FHAD1: variants seen among roughly 807,000 people sequenced by gnomAD.
The protein encoded by FHAD1 is forkhead-associated domain-containing protein 1.
A neutral mutation model predicts 191.3 loss-of-function variants in FHAD1; 146 were observed. That is an observed-to-expected ratio of 0.76 (90% confidence interval 0.67 to 0.88). The LOEUF (loss-of-function observed/expected upper bound fraction) is 0.88. FHAD1 is among the 40% of genes least tolerant of loss of function. FHAD1 has a pLI of 0.00. For synonymous variants in FHAD1, 616 were observed against 672.3 expected (o/e 0.92, Z 1.29); for missense variants, 1,635 against 1,785.8 (o/e 0.92, Z 1.52).
chr1:15,339,563 A>C lies in FHAD1; in HGVS notation c.1977+12A>C, dbSNP rs1463880200. The C allele has an allele frequency of 1.6e-6, 2 of 1,257,092 alleles. No individual in the cohort carries two copies. The highest frequency in any genetic ancestry group is 5.1e-5 in the Admixed American group (2 of 38,962). 77.9% of individuals were successfully genotyped at this position (1,257,092 alleles called of 1,614,324 possible). Reference sequence around the variant, plus strand: ...CCCAGGAACTTCAGGTAATTCTTTTAATTTCTTTTTTTCCAAAGTTCATTT... The same window carrying C: ...CCCAGGAACTTCAGGTAATTCTTTTCATTTCTTTTTTTCCAAAGTTCATTT... On this transcript the variant is annotated intron_variant, in intron 15 of 33. Coordinates refer to ENST00000688493, the MANE Select transcript of FHAD1 (RefSeq NM_001391957.1).
chr1:15,372,832 G>A (rs1012455328), intron 26 of FHAD1, among the ~76,000 whole-genome samples: 1 of 152,146 alleles, frequency 6.6e-6, no homozygotes, highest in African/African-American at 2.4e-5. Context: ...AATGAAAACG[G>A]TTCCCAACAT....
intron 16 of FHAD1, among the ~76,000 whole-genome samples, chr1:15,343,273 C>T (rs1313707207): frequency 6.6e-6 from 1 of 152,140 alleles, no homozygotes; most frequent in Non-Finnish European, 1.5e-5. Context: ...TAAGCACTCC[C>T]GGGTGGTCGC....
chr1:15,355,070 A>G (rs1292699182), intron 20 of FHAD1, among the ~76,000 whole-genome samples: 1 of 152,146 alleles, frequency 6.6e-6, no homozygotes, highest in Non-Finnish European at 1.5e-5. Flanking sequence ...TTAGCCAGGC[A>G]TGGTGGTGCA....
chr1:15,383,298 G>A (rs12117364), intron 31 of FHAD1: 5,969 of 458,714 alleles, frequency 0.013, 66 homozygotes, highest in Non-Finnish European at 0.018. Flanking sequence ...TGCTTGTCCC[G>A]TCTCTGAAGC....
rs1048502756 is a variant in FHAD1, at chr1:15,318,061, G to A, written c.1365+133G>A. 2 of 612,050 alleles carry A rather than the reference G, an allele frequency of 3.3e-6. No homozygotes were observed. The highest frequency in any genetic ancestry group is 3.8e-5 in the African/African-American group (2 of 53,064). 37.9% of individuals were successfully genotyped at this position (612,050 alleles called of 1,614,324 possible). A position where few individuals can be genotyped will look rare whatever the true frequency, so the allele number is the denominator to read the frequency against. On this transcript the variant is annotated intron_variant, in intron 10 of 33. Transcript: ENST00000688493. The surrounding 1 kb of genome is among the most constrained non-coding windows in gnomAD (Gnocchi z 4.1). ...CTGAGAAAACTGAGGCTCACACAGG[G>A]ACAGGGACCAGGTTCACTGCATAAA...
At chr1:15,356,976 T>G (rs568394577) in intron 20 of FHAD1, among the ~76,000 whole-genome samples, 1 of 152,190 alleles carries the variant, frequency 6.6e-6, no homozygotes. Context: ...TGGAAGCCGA[T>G]TTCTTTTCTT....
At chr1:15,282,204 G>A (rs1000546990) in intron 3 of FHAD1, among the ~76,000 whole-genome samples, 1 of 152,104 alleles carries the variant, frequency 6.6e-6, no homozygotes, top group South Asian at 2.1e-4. Context: ...AATTCAGTTC[G>A]GTCAGCAGGC....
At chr1:15,244,501 AG>A (rs1382812306), upstream of FHAD1, among the ~76,000 whole-genome samples, 1 of 152,102 alleles carries the variant, frequency 6.6e-6, no homozygotes, top group African/African-American at 2.4e-5. This position sits in a 1 kb window ranked among gnomAD's most constrained non-coding sequence, Gnocchi z 5.1. Flanking sequence ...ACCAAAGACA[AG>A]CATGGAGGGG....
chr1:15,263,359 T>C (rs1651913673), intron 2 of FHAD1, among the ~76,000 whole-genome samples: 1 of 152,116 alleles, frequency 6.6e-6, no homozygotes. Flanking sequence ...TTGGTGTCAT[T>C]GCCAAGAAAT....
chr1:15,380,263 C>A (rs1700597609), intron 28 of FHAD1, among the ~76,000 whole-genome samples: 2 of 152,278 alleles, frequency 1.3e-5, no homozygotes, highest in South Asian at 4.1e-4. Context: ...TAGGGCCCCA[C>A]AATCTGGCGT....
rs151263233 is a variant in FHAD1, at chr1:15,330,624, G to A, written c.1906+1083G>A. ...GAAGTGCAGGGTTCGATCTGGTCAG[G>A]GAGAGCAGGGCATCTGCAGGATGCA... On this transcript the variant is annotated intron_variant, in intron 14 of 33. Coordinates refer to ENST00000688493, the MANE Select transcript of FHAD1 (RefSeq NM_001391957.1). Among the ~76,000 whole-genome samples, 1,331 of 152,316 alleles carry A rather than the reference G, an allele frequency of 8.7e-3. 11 individuals carry two copies. The highest frequency in any genetic ancestry group is 0.014 in the Non-Finnish European group (959 of 68,034).
intron 1 of FHAD1, among the ~76,000 whole-genome samples, chr1:15,237,090 CT>C (rs1644867701): frequency 6.6e-6 from 1 of 152,128 alleles, no homozygotes; most frequent in Non-Finnish European, 1.5e-5. Context: ...CTCCCTTGCC[CT>C]GCAGAACTGT....
chr1:15,381,418 TGAGAG>T lies in FHAD1; in HGVS notation c.3992_3996del (p.Arg1331IlefsTer2). 1 of 1,551,546 alleles carries T rather than the reference TGAGAG, an allele frequency of 6.4e-7. No individual in the cohort carries two copies. Among genetic ancestry groups the T allele is most frequent in the Non-Finnish European group, 8.7e-7 (1 of 1,146,982 alleles). ...CAGCTGGGGAGGAAAGAGGAGCTGT[TGAGAG>T]GATATGAAAAGGACGTTGAACAGCT... On this transcript the variant is annotated frameshift_variant, in exon 30 of 34. Coordinates refer to ENST00000688493, the MANE Select transcript of FHAD1 (RefSeq NM_001391957.1). LOFTEE classifies it high-confidence loss of function. This position sits in a 1 kb window ranked among gnomAD's most constrained non-coding sequence, Gnocchi z 4.6.
chr1:15,393,482 G>A (rs1704895228), intron 33 of FHAD1, among the ~76,000 whole-genome samples: 1 of 151,356 alleles, frequency 6.6e-6, no homozygotes, highest in South Asian at 2.1e-4. Flanking sequence ...GTGAGGGGCT[G>A]GGGAAAAAAC....
rs564194708 is a variant in FHAD1, at chr1:15,322,951, G to A, written c.1366-1501G>A. On this transcript the variant is annotated intron_variant, in intron 10 of 33. Coordinates refer to ENST00000688493, the MANE Select transcript of FHAD1 (RefSeq NM_001391957.1). ...AGGCCTCAGAATCATGGCGGGAGGC[G>A]AAAGGCACTTCTTACATGGCGGTGG... is the stretch of plus-strand genomic sequence containing the variant. 5.0e-4 allele frequency among the ~76,000 whole-genome samples: 76 copies of A among 152,204 alleles called. 1 individual carries two copies. Among genetic ancestry groups the A allele is most frequent in the East Asian group, 3.9e-4 (2 of 5,188 alleles).
intron 32 of FHAD1, 134 bp from the exon 33 acceptor site, chr1:15,391,076 G>A: frequency 3.4e-6 from 1 of 294,374 alleles, no homozygotes; most frequent in Middle Eastern, 5.5e-4. Flanking sequence ...TACCTGTTTG[G>A]AATGCTGTCC....
chr1:15,305,377 C>T (rs76994578), intron 6 of FHAD1, among the ~76,000 whole-genome samples: 1,703 of 152,298 alleles, frequency 0.011, 37 homozygotes, highest in African/African-American at 0.038. Context: ...CCATGCTCCA[C>T]GGCCTCAGGC....
In FHAD1 at chr1:15,327,130, C is replaced by T; in HGVS notation, c.1545C>T (p.Val515=). The part of the protein sequence containing the change: ...GRAKPFRDKP[V]TDQQLIEKIT... ...CGAAGCCGTTCCGGGACAAGCCCGT[C>T]ACCGACCAACAGGTTAGTCTGCCGT... Residue 515 remains valine (V), a synonymous_variant, in exon 12 of 34, where the codon GTC becomes GTT. Coordinates refer to ENST00000688493, the MANE Select transcript of FHAD1 (RefSeq NM_001391957.1). The surrounding 1 kb of genome is among the most constrained non-coding windows in gnomAD (Gnocchi z 5.1). 1.3e-6 allele frequency: 2 copies of T among 1,551,140 alleles called. No individual in the cohort carries two copies. Among genetic ancestry groups the T allele is most frequent in the Non-Finnish European group, 1.7e-6 (2 of 1,146,594 alleles).
Position 15,325,002 on chromosome 1 carries a change from A to G in FHAD1, c.1473+443A>G, listed in dbSNP as rs889833404. On this transcript the variant is annotated intron_variant, in intron 11 of 33. Coordinates refer to ENST00000688493, the MANE Select transcript of FHAD1 (RefSeq NM_001391957.1). The surrounding 1 kb of genome is among the most constrained non-coding windows in gnomAD (Gnocchi z 4.6). ...AATAAGGTAAAACCCTGGAGTGTCC[A>G]AAGTGCGTGCTGGATGGAGAAGCTC... 1.1e-5 allele frequency: 2 copies of G among 181,746 alleles called. No individual in the cohort carries two copies. The highest frequency in any genetic ancestry group is 4.7e-5 in the African/African-American group (2 of 42,924). 11.3% of individuals were successfully genotyped at this position (181,746 alleles called of 1,614,324 possible).
Sources: gnomAD v4.1 joint callset for allele counts (sites outside exome capture counted in the v4.1 genomes callset) on GRCh38, gnomAD v4.1.1 for gene constraint, Gnocchi (gnomAD v3.1) non-coding constraint, MANE v1.5 for transcripts, NCBI Gene and HGNC (gene_info 2026-07-23, HGNC 2026-07-21) for gene names.